The following OTUD7A variants were observed in gnomAD, a reference collection of about 807,000 sequenced individuals.
OTUD7A encodes the protein OTU deubiquitinase 7A, also known as OTU domain-containing protein 7A.
OTUD7A carries 12 observed loss-of-function variants against 65.7 expected under a neutral mutation model. That is an observed-to-expected ratio of 0.18 (90% CI 0.12 to 0.30). The LOEUF is 0.30. Ranked by LOEUF, OTUD7A falls within the 10% of genes least tolerant of loss-of-function variation. The probability of loss-of-function intolerance (pLI) is 1.00; values close to 1 mark genes in which losing one functional copy is unlikely to be tolerated. For missense variants in OTUD7A, 1,148 were observed against 1,304.8 expected (o/e 0.88, Z 1.85); for synonymous variants, 641 against 586.3 (o/e 1.09, Z -1.35).
chr15:31,490,909 C>G (rs2041309613), intron 10 of OTUD7A, among the ~76,000 whole-genome samples: 1 of 152,206 alleles, frequency 6.6e-6, no homozygotes, highest in South Asian at 2.1e-4. Flanking sequence ...GATTAAGCAT[C>G]TGTCTTAGGC....
At chr15:31,533,772 CCTT>C (rs1887709963) in intron 5 of OTUD7A, among the ~76,000 whole-genome samples, 1 of 152,136 alleles carries the variant, frequency 6.6e-6, no homozygotes, top group African/African-American at 2.4e-5. Context: ...ATAAGACTTT[CCTT>C]CTTCTCTTGA....
chr15:31,753,676 TAACCTGTGAG>T (rs1395312768), intron 1 of OTUD7A, among the ~76,000 whole-genome samples: 142 of 121,494 alleles, frequency 1.2e-3, no homozygotes, highest in African/African-American at 4.1e-3. Context: ...TATATATATA[TAACCTGTGAG>T]ATATATATAT....
intron 1 of OTUD7A, among the ~76,000 whole-genome samples, chr15:31,846,745 T>C (rs1381275534): frequency 6.6e-6 from 1 of 152,232 alleles, no homozygotes; most frequent in Non-Finnish European, 1.5e-5. Flanking sequence ...AGAAATGATG[T>C]CCGTGACAAG....
In OTUD7A at chr15:31,477,054, C is replaced by T. The variant is rs966210347; in HGVS notation, c.*6240G>A. On this transcript the variant is annotated 3_prime_UTR_variant, in exon 13 of 13. Coordinates refer to ENST00000307050, the MANE Select transcript of OTUD7A (RefSeq NM_001382637.1). ...GTCAAGGCCCTGACCTTCCAGTGCA[C>T]CTCCACCAGTGGCCAATGGGGATAC... 1 of 152,462 alleles carries T rather than the reference C, an allele frequency of 6.6e-6. No individual in the cohort carries two copies. The highest frequency in any genetic ancestry group is 2.4e-5 in the African/African-American group (1 of 41,474). The allele number at this position is 152,462 out of a possible 1,614,324, so 9.4% of individuals were successfully genotyped here.
intron 4 of OTUD7A, among the ~76,000 whole-genome samples, chr15:31,560,195 C>T (rs1463846271): frequency 2.0e-5 from 3 of 152,244 alleles, no homozygotes; most frequent in Non-Finnish European, 2.9e-5. Context: ...TCCACAGCAG[C>T]TCAGGTTTTA....
chr15:31,810,157 C>T (rs1896381579), intron 1 of OTUD7A, among the ~76,000 whole-genome samples: 1 of 152,156 alleles, frequency 6.6e-6, no homozygotes, highest in African/African-American at 2.4e-5. Flanking sequence ...GGTTCCTCCA[C>T]ACAGCAGCCC....
chr15:31,779,219 T>TTCCA (rs777945674), intron 1 of OTUD7A, among the ~76,000 whole-genome samples: 26 of 152,240 alleles, frequency 1.7e-4, no homozygotes, highest in Middle Eastern at 3.4e-3. Context: ...AGTCCCTGGG[T>TTCCA]TCCATTTCCT....
intron 10 of OTUD7A, among the ~76,000 whole-genome samples, chr15:31,491,130 TAAAA>T (rs201247315): frequency 6.9e-6 from 1 of 144,558 alleles, no homozygotes; most frequent in Non-Finnish European, 1.5e-5. Context: ...AAAGGAAAGA[TAAAA>T]AAAAAAACCC....
At chr15:31,699,684 G>A (rs1406844255) in intron 1 of OTUD7A, among the ~76,000 whole-genome samples, 6 of 152,144 alleles carry the variant, frequency 3.9e-5, no homozygotes, top group East Asian at 3.9e-4. Flanking sequence ...GAGGCAGCCC[G>A]TATCGGCCTC....
intron 1 of OTUD7A, among the ~76,000 whole-genome samples, chr15:31,785,267 T>C (rs570365818): frequency 2.0e-5 from 3 of 152,350 alleles, no homozygotes; most frequent in East Asian, 3.9e-4. Flanking sequence ...TAAGTATGCA[T>C]TGATACATTT....
chr15:31,716,798 G>A (rs1194898701), intron 1 of OTUD7A, among the ~76,000 whole-genome samples: 1 of 151,976 alleles, frequency 6.6e-6, no homozygotes, highest in East Asian at 1.9e-4. Context: ...AAGGGAGGAG[G>A]CTGCATGGGG....
intron 3 of OTUD7A, among the ~76,000 whole-genome samples, chr15:31,619,378 T>G (rs1178892892): frequency 6.6e-6 from 1 of 152,226 alleles, no homozygotes; most frequent in Admixed American, 6.5e-5. Context: ...TATGGCCATT[T>G]GACGATATTG....
rs1405831077 is a variant in OTUD7A, at chr15:31,510,975, ATGTATAT to A, written c.894-7164_894-7158del. Among the ~76,000 whole-genome samples the A allele has an allele frequency of 5.5e-4, 56 of 102,594 alleles. 22 individuals carry two copies. The highest frequency in any genetic ancestry group is 2.6e-3 in the South Asian group (8 of 3,076). 67.3% of individuals were successfully genotyped at this position (102,594 alleles called of 152,430 possible). On this transcript the variant is annotated intron_variant, in intron 8 of 12. Coordinates refer to ENST00000307050, the MANE Select transcript of OTUD7A (RefSeq NM_001382637.1). ...ATATATGTATATCTATATGTAACAT[ATGTATAT>A]CTATATGTAACATATGTATATCTAT...
chr15:31,838,943 T>C (rs566687779), intron 1 of OTUD7A, among the ~76,000 whole-genome samples: 4 of 152,260 alleles, frequency 2.6e-5, no homozygotes, highest in African/African-American at 4.8e-5. Flanking sequence ...CCCTTTTCCT[T>C]TGAGATCCAC....
At chr15:31,532,762 G>A (rs141495050) in intron 5 of OTUD7A, among the ~76,000 whole-genome samples, 52 of 151,782 alleles carry the variant, frequency 3.4e-4, no homozygotes, top group Middle Eastern at 3.4e-3. Flanking sequence ...GTGAAACCCC[G>A]TCTCTACCAA....
chr15:31,629,522 A>G (rs1321120776), intron 3 of OTUD7A, among the ~76,000 whole-genome samples: 7 of 152,272 alleles, frequency 4.6e-5, no homozygotes, highest in Admixed American at 3.3e-4. Context: ...TTTTTGCATC[A>G]ATGTTCATCA....
chr15:31,634,035 C>T (rs1305705619), intron 3 of OTUD7A, among the ~76,000 whole-genome samples: 3 of 152,104 alleles, frequency 2.0e-5, no homozygotes, highest in African/African-American at 7.2e-5. Context: ...TCTTGGTAGG[C>T]TAAATAAATA....
chr15:31,561,309 C>T (rs867257187), intron 4 of OTUD7A, among the ~76,000 whole-genome samples: 15 of 152,330 alleles, frequency 9.8e-5, no homozygotes, highest in African/African-American at 2.9e-4. Context: ...GTCTTTCTGC[C>T]TCGTGCAAGC....
At chr15:31,512,801 G>C (rs1289320367) in intron 8 of OTUD7A, among the ~76,000 whole-genome samples, 2 of 152,344 alleles carry the variant, frequency 1.3e-5, no homozygotes, top group East Asian at 3.9e-4. Flanking sequence ...AAATATTTAG[G>C]TTAAATTGTG....
Sources: allele counts gnomAD v4.1 joint callset (sites outside exome capture counted in the v4.1 genomes callset), GRCh38; gene constraint gnomAD v4.1.1; transcripts MANE v1.5; gene names NCBI Gene and HGNC (gene_info 2026-07-23, HGNC 2026-07-21).